The following SERPINB10 variants were observed in gnomAD, a reference collection of about 807,000 sequenced individuals.
SERPINB10 encodes the protein serpin family B member 10.
SERPINB10 carries 35 observed loss-of-function variants against 39.1 expected under a neutral mutation model. The ratio of observed to expected loss-of-function variants is 0.90; its 90% CI spans 0.68 to 1.19. The LOEUF is 1.19. SERPINB10 is among the 50% of genes most tolerant of loss of function. The pLI is 0.00. For missense variants in SERPINB10, 546 were observed against 460.5 expected, an observed-to-expected ratio of 1.19 and a Z score of -1.70; for synonymous variants, 190 against 158.1, an observed-to-expected ratio of 1.20 and a Z score of -1.52.
intron 7 of SERPINB10, among the ~76,000 whole-genome samples, chr18:63,933,807 A>G (rs1366302383): frequency 6.6e-6 from 1 of 152,194 alleles, no homozygotes; most frequent in Non-Finnish European, 1.5e-5. Context: ...CTTCTGAGCA[A>G]TTTGCATGCC....
chr18:63,913,474 T>C (rs1316725564), intron 1 of SERPINB10, among the ~76,000 whole-genome samples: 1 of 152,086 alleles, frequency 6.6e-6, no homozygotes, highest in East Asian at 1.9e-4. Context: ...TGGTATGTTA[T>C]GTCTCTGTGT....
At chr18:63,912,607 A>G (rs549606887) in intron 1 of SERPINB10, among the ~76,000 whole-genome samples, 59 of 152,070 alleles carry the variant, frequency 3.9e-4, no homozygotes, top group African/African-American at 1.3e-3. Context: ...TTGAACCAAT[A>G]TAGTACTCCA....
rs1386009878 is a variant in SERPINB10 at position 63,915,408 on chromosome 18, T to C, written c.-9-94T>C. The C allele has an allele frequency of 1.7e-5, 14 of 808,780 alleles. No individual in the cohort carries two copies. The East Asian group carries it at 2.1e-4, about 12-fold the overall frequency. The allele number at this position is 808,780 out of a possible 1,614,324, so 50.1% of individuals were successfully genotyped here. A position where few individuals can be genotyped will look rare whatever the true frequency, so the allele number is the denominator to read the frequency against. ...TATTCAGCTCATATGACAATGTATA[T>C]GGATATGTATGCAACTATGAATACA... On this transcript the variant is annotated intron_variant, in intron 1 of 7. Coordinates refer to ENST00000238508, the MANE Select transcript of SERPINB10 (RefSeq NM_005024.3).
intron 4 of SERPINB10, 104 bp from the exon 5 acceptor site, chr18:63,919,684 T>G (rs878889339): frequency 5.8e-6 from 4 of 692,416 alleles, no homozygotes; most frequent in Non-Finnish European, 9.9e-6. Flanking sequence ...GGTGTGGGAG[T>G]GTGCAATTGC....
chr18:63,930,958 A>G (rs2050217870), intron 6 of SERPINB10, among the ~76,000 whole-genome samples: 1 of 152,196 alleles, frequency 6.6e-6, no homozygotes, highest in South Asian at 2.1e-4. Context: ...TATGGCTGTA[A>G]TGAATGTGTG....
At position 63,918,090 on chromosome 18, in the gene SERPINB10, T is replaced by G; in HGVS notation, c.360T>G (p.Tyr120Ter). Residue 120 changes from tyrosine to a stop codon, truncating the protein, a stop_gained, in exon 4 of 8, where the codon TAT (tyrosine) becomes TAG (stop). Coordinates refer to ENST00000238508, the MANE Select transcript of SERPINB10 (RefSeq NM_005024.3). LOFTEE classifies it high-confidence loss of function. The stretch of plus-strand genomic sequence containing the variant: ...ATGCGATATATGGAGAGAAAACGTA[T>G]GCATTTCACAATGTAAGTGCAAATG... ...TANAIYGEKT[Y>*]AFHNKYLEDM... The G allele has an allele frequency of 6.2e-7, 1 of 1,612,182 alleles. No homozygotes were observed. Among genetic ancestry groups the G allele is most frequent in the Non-Finnish European group, 8.5e-7 (1 of 1,178,906 alleles).
At chr18:63,927,160 A>G (rs1568248542) in intron 5 of SERPINB10, among the ~76,000 whole-genome samples, 2 of 152,010 alleles carry the variant, frequency 1.3e-5, no homozygotes. Flanking sequence ...ATAGCAGGCC[A>G]TAAATACCAC....
intron 5 of SERPINB10, among the ~76,000 whole-genome samples, chr18:63,921,403 G>C (rs17072158): frequency 0.17 from 26,237 of 151,794 alleles, 2,522 homozygotes; most frequent in Admixed American, 0.29. Flanking sequence ...CTCCATCTTG[G>C]TGAATGGGTA....
intron 6 of SERPINB10, among the ~76,000 whole-genome samples, chr18:63,931,480 G>A (rs138761433): frequency 5.6e-4 from 86 of 152,244 alleles, no homozygotes; most frequent in Middle Eastern, 3.4e-3. Context: ...CTTAGCATAC[G>A]GTGGGGCTTT....
chr18:63,933,629 C>G (rs1239301839), intron 7 of SERPINB10, among the ~76,000 whole-genome samples: 2 of 152,184 alleles, frequency 1.3e-5, no homozygotes, highest in African/African-American at 2.4e-5. Flanking sequence ...AGTATACACA[C>G]ACGTACGCAG....
Position 63,935,140 on chromosome 18 carries a change from AG to A in SERPINB10, c.1093del (p.Val365SerfsTer48). On this transcript the variant is annotated frameshift_variant, in exon 8 of 8. Coordinates refer to ENST00000238508, the MANE Select transcript of SERPINB10 (RefSeq NM_005024.3). LOFTEE classifies it high-confidence loss of function. Reference protein sequence around the residue: ...SGSEIDIRIRVPSIEFNANHP... With the variant: ...SGSEIDIRIRXPSIEFNANHP... ...GGAGTGAGATAGATATACGAATTAG[AG>A]TCCCATCCATTGAATTCAATGCAAA... 6.2e-7 allele frequency: 1 copy of A among 1,613,654 alleles called. No homozygotes were observed. Among genetic ancestry groups the A allele is most frequent in the South Asian group, 1.1e-5 (1 of 91,086 alleles).
chr18:63,932,954 A>G (rs1038033541), intron 6 of SERPINB10, 94 bp from the exon 7 acceptor site: 3 of 1,185,564 alleles, frequency 2.5e-6, no homozygotes, highest in African/African-American at 3.1e-5. Flanking sequence ...AGTTTCACCA[A>G]CTGAGAGCCA....
chr18:63,909,658 C>T (rs1254216643), intron 1 of SERPINB10, among the ~76,000 whole-genome samples: 1 of 151,928 alleles, frequency 6.6e-6, no homozygotes, highest in Non-Finnish European at 1.5e-5. Context: ...GGTAGAAAAA[C>T]CCCAGCCTCT....
intron 5 of SERPINB10, among the ~76,000 whole-genome samples, chr18:63,924,994 A>G (rs1203527270): frequency 6.6e-6 from 1 of 152,008 alleles, no homozygotes; most frequent in African/African-American, 2.4e-5. Flanking sequence ...GTACACAAAT[A>G]TTGTACCCTA....
rs942396129 is a variant in SERPINB10 at position 63,918,050 on chromosome 18, T to C, written c.320T>C (p.Leu107Ser). 1 of 1,612,434 alleles carries C rather than the reference T, an allele frequency of 6.2e-7. No homozygotes were observed. Among genetic ancestry groups the C allele is most frequent in the Non-Finnish European group, 8.5e-7 (1 of 1,179,006 alleles). Reference protein sequence around the residue: ...SEILKPNDDYLLKTANAIYGE... With the variant: ...SEILKPNDDYSLKTANAIYGE... ...ATCCTCAAGCCCAACGATGACTACT[T>C]ACTTAAAACAGCCAATGCGATATAT... is the stretch of plus-strand genomic sequence containing the variant. Residue 107 changes from leucine to serine, a missense_variant, in exon 4 of 8, where the codon TTA becomes TCA. Transcript: ENST00000238508.
intron 6 of SERPINB10, among the ~76,000 whole-genome samples, chr18:63,932,237 T>A (rs1322394373): frequency 6.6e-6 from 1 of 152,218 alleles, no homozygotes; most frequent in African/African-American, 2.4e-5. Context: ...AGTTTTTCTG[T>A]GGACACTGTT....
chr18:63,913,509 C>T (rs957378922), intron 1 of SERPINB10, among the ~76,000 whole-genome samples: 9 of 151,860 alleles, frequency 5.9e-5, no homozygotes, highest in East Asian at 1.9e-4. Flanking sequence ...TTGATTTCTG[C>T]GGTAATTTCA....
Position 63,919,836 on chromosome 18 carries a change from G to A in SERPINB10, c.421G>A (p.Val141Ile), listed in dbSNP as rs1214412612. 20 of 1,609,554 alleles carry A rather than the reference G, an allele frequency of 1.2e-5. No homozygotes were observed. Among genetic ancestry groups the A allele is most frequent in the Admixed American group, 3.4e-5 (2 of 59,440 alleles). The change falls in exon 5 of 8, where the codon GTT becomes ATT. Residue 141 changes from valine (V) to isoleucine (I), a missense_variant. Val to Ile is a conservative substitution (Grantham distance 29). Transcript: ENST00000238508. ...ATATTTTGGTGCAGAACCTCAGCCT[G>A]TTAACTTTGTGGAAGCTTCTGATCA... is the stretch of plus-strand genomic sequence containing the variant. ...KTYFGAEPQP[V>I]NFVEASDQIR... is the part of the protein sequence containing the mutation.
chr18:63,929,882 G>C (rs2050208815), intron 5 of SERPINB10, among the ~76,000 whole-genome samples, 163 bp from the exon 6 acceptor site: 1 of 152,054 alleles, frequency 6.6e-6, no homozygotes, highest in Non-Finnish European at 1.5e-5. Flanking sequence ...ATTCACAGCA[G>C]CTATTCTGGA....
Sources: gnomAD v4.1 joint callset for allele counts (sites outside exome capture counted in the v4.1 genomes callset) on GRCh38, gnomAD v4.1.1 for gene constraint, MANE v1.5 for transcripts, NCBI Gene and HGNC (gene_info 2026-07-23, HGNC 2026-07-21) for gene names.